Variants in LRRC4C observed in about 807,000 individuals in gnomAD.
The protein encoded by LRRC4C is leucine rich repeat containing 4C.
Under a neutral mutation model 33.6 loss-of-function variants are expected in LRRC4C, and 5 were observed. The ratio of observed to expected loss-of-function variants is 0.15; its 90% CI spans 0.08 to 0.31. The LOEUF (loss-of-function observed/expected upper bound fraction) is 0.31. Ranked by LOEUF, LRRC4C falls within the 10% of genes least tolerant of loss-of-function variation. LRRC4C has a pLI of 1.00. For synonymous variants in LRRC4C, 329 were observed against 302.0 expected (o/e 1.09, Z -0.93); for missense variants, 560 against 796.7 (o/e 0.70, Z 3.58).
In LRRC4C at chr11:40,187,338, T is replaced by G. The variant is rs1414448935; in HGVS notation, c.-95-46485A>C. On this transcript the variant is annotated intron_variant, in intron 5 of 6. Coordinates refer to ENST00000528697, the MANE Select transcript of LRRC4C (RefSeq NM_001258419.2). ...AGAAAATTTTCTTTCTTTTTTTTTT[T>G]TTTGAGCTGCTGAATCAGTGTTTTT... is the stretch of plus-strand genomic sequence containing the variant. Among the ~76,000 whole-genome samples, 4 of 152,100 alleles carry G rather than the reference T, an allele frequency of 2.6e-5. No homozygotes were observed. In the East Asian group the frequency reaches 7.7e-4, roughly 29 times the overall value.
chr11:40,891,705 A>C (rs1280942626), intron 2 of LRRC4C, among the ~76,000 whole-genome samples: 1 of 152,208 alleles, frequency 6.6e-6, no homozygotes, highest in East Asian at 1.9e-4. Context: ...ACGAGATACT[A>C]TCTCGCCCCA....
intron 5 of LRRC4C, among the ~76,000 whole-genome samples, chr11:40,141,604 A>G (rs568504390): frequency 6.6e-6 from 1 of 152,344 alleles, no homozygotes; most frequent in African/African-American, 2.4e-5. Context: ...AGATAGAAAG[A>G]TCCCTCACAA....
chr11:41,335,644 C>T (rs576364016), intron 1 of LRRC4C, among the ~76,000 whole-genome samples: 7 of 152,220 alleles, frequency 4.6e-5, no homozygotes, highest in East Asian at 1.9e-4. Context: ...ATATTTCTCA[C>T]GTTATGTCCA....
intron 1 of LRRC4C, among the ~76,000 whole-genome samples, chr11:40,987,865 C>T (rs1565274985): frequency 6.6e-6 from 1 of 151,722 alleles, no homozygotes; most frequent in Non-Finnish European, 1.5e-5. Flanking sequence ...CCATGCTGGT[C>T]TCTTGTCTTT....
chr11:41,258,413 G>A (rs1011879216), intron 1 of LRRC4C, among the ~76,000 whole-genome samples: 1 of 151,846 alleles, frequency 6.6e-6, no homozygotes, highest in Non-Finnish European at 1.5e-5. Context: ...GAATAGGCCA[G>A]GACAAGTAGC....
At chr11:40,419,485 A>G (rs1036076029) in intron 3 of LRRC4C, among the ~76,000 whole-genome samples, 2 of 152,324 alleles carry the variant, frequency 1.3e-5, no homozygotes, top group East Asian at 1.9e-4. Context: ...ACCAGAAGAT[A>G]GTGGAACAAC....
chr11:41,038,710 T>A (rs188570993), intron 1 of LRRC4C, among the ~76,000 whole-genome samples: 18 of 152,322 alleles, frequency 1.2e-4, no homozygotes, highest in African/African-American at 4.3e-4. Flanking sequence ...CATTTACTTA[T>A]ATAAACTAGA....
intron 1 of LRRC4C, among the ~76,000 whole-genome samples, chr11:41,400,550 G>T (rs1234922342): frequency 6.7e-6 from 1 of 148,860 alleles, no homozygotes; most frequent in Admixed American, 6.8e-5. Context: ...AGACTTCAGG[G>T]AAACATTAAT....
chr11:40,812,340 T>C (rs1951524914), intron 2 of LRRC4C, among the ~76,000 whole-genome samples: 1 of 152,204 alleles, frequency 6.6e-6, no homozygotes, highest in African/African-American at 2.4e-5. Context: ...CTTTATAGAA[T>C]GCAGACAGTT....
At chr11:40,909,610 T>G (rs1009783939) in intron 2 of LRRC4C, among the ~76,000 whole-genome samples, 14 of 152,160 alleles carry the variant, frequency 9.2e-5, no homozygotes, top group African/African-American at 2.4e-5. Context: ...TACACATCAA[T>G]TTTCAATGAG....
In LRRC4C at chr11:41,404,703, T is replaced by G. The variant is rs183556428; in HGVS notation, c.-496+54728A>C. On this transcript the variant is annotated intron_variant, in intron 1 of 6. Coordinates refer to ENST00000528697, the MANE Select transcript of LRRC4C (RefSeq NM_001258419.2). ...CTATTTTCTCAGTCCAGACATCACCTGGAGAGCTGTGCCAGGGAGAAAAAA... is the reference window on the plus strand; with the variant it reads ...CTATTTTCTCAGTCCAGACATCACCGGGAGAGCTGTGCCAGGGAGAAAAAA... 2.3e-3 allele frequency among the ~76,000 whole-genome samples: 356 copies of G among 152,178 alleles called. 5 individuals are homozygous for G. Among genetic ancestry groups the G allele is most frequent in the Non-Finnish European group, 6.3e-4 (43 of 67,994 alleles).
intron 1 of LRRC4C, among the ~76,000 whole-genome samples, chr11:41,270,011 G>T (rs546938542): frequency 3.3e-5 from 5 of 152,066 alleles, no homozygotes; most frequent in Non-Finnish European, 7.4e-5. Context: ...TTTAGCGGGG[G>T]ATTGGTTGAA....
At chr11:40,678,083 A>T (rs1944495641) in intron 2 of LRRC4C, among the ~76,000 whole-genome samples, 1 of 152,014 alleles carries the variant, frequency 6.6e-6, no homozygotes, top group Non-Finnish European at 1.5e-5. Flanking sequence ...TCTTGGGGGT[A>T]GGGTGGGTTC....
At chr11:40,340,621 C>T (rs1946825539) in intron 3 of LRRC4C, among the ~76,000 whole-genome samples, 1 of 152,116 alleles carries the variant, frequency 6.6e-6, no homozygotes, top group Non-Finnish European at 1.5e-5. Context: ...AACATTCTTT[C>T]ATTTAATTCT....
chr11:41,135,911 C>G (rs1943237139), intron 1 of LRRC4C, among the ~76,000 whole-genome samples: 3 of 152,166 alleles, frequency 2.0e-5, no homozygotes. Context: ...AGAATTAGAT[C>G]TGGTTCCATG....
At chr11:40,894,129 C>A (rs576785264) in intron 2 of LRRC4C, among the ~76,000 whole-genome samples, 1 of 152,196 alleles carries the variant, frequency 6.6e-6, no homozygotes, top group Admixed American at 6.5e-5. Flanking sequence ...TTCTCTAATG[C>A]TAAAATTGTT....
At chr11:40,570,098 G>A (rs1957922734) in intron 3 of LRRC4C, among the ~76,000 whole-genome samples, 1 of 151,620 alleles carries the variant, frequency 6.6e-6, no homozygotes. Context: ...ATGTATACAT[G>A]CATACATATA....
At chr11:40,559,057 A>G (rs1386101231) in intron 3 of LRRC4C, among the ~76,000 whole-genome samples, 2 of 152,166 alleles carry the variant, frequency 1.3e-5, no homozygotes, top group African/African-American at 2.4e-5. Context: ...TTATGGCTAC[A>G]TAGTATTCCA....
chr11:40,665,325 AATATATATATATAT>A, intron 2 of LRRC4C, among the ~76,000 whole-genome samples: 1 of 13,454 alleles, frequency 7.4e-5, no homozygotes, highest in South Asian at 2.7e-3. Flanking sequence ...AAAAAAAAAA[AATATATATATATAT>A]ATATATATAT....
Sources: allele counts gnomAD v4.1 joint callset (sites outside exome capture counted in the v4.1 genomes callset), GRCh38; gene constraint gnomAD v4.1.1; transcripts MANE v1.5; gene names NCBI Gene and HGNC (gene_info 2026-07-23, HGNC 2026-07-21).